The following NSD1 variants were observed in gnomAD, a reference collection of about 807,000 sequenced individuals.
NSD1 encodes nuclear receptor binding SET domain protein 1.
In NSD1, 26 loss-of-function variants were observed where a neutral mutation model predicts 242.7. The ratio of observed to expected loss-of-function variants is 0.11; its 90% CI spans 0.08 to 0.15. NSD1 has a LOEUF of 0.15. NSD1 is among the 10% of genes least tolerant of loss of function. The pLI is 1.00. For missense variants in NSD1, 2,495 were observed against 3,272.8 expected (o/e 0.76, Z 5.80); for synonymous variants, 1,106 against 1,178.1 (o/e 0.94, Z 1.25).
At chr5:177,190,542 G>A (rs1298673152) in intron 2 of NSD1, among the ~76,000 whole-genome samples, 1 of 152,112 alleles carries the variant, frequency 6.6e-6, no homozygotes, top group Non-Finnish European at 1.5e-5. Flanking sequence ...TGCCTACCTC[G>A]GCCTCCCAGA....
intron 11 of NSD1, among the ~76,000 whole-genome samples, chr5:177,249,227 G>T (rs888325939): frequency 2.0e-4 from 30 of 152,100 alleles, no homozygotes; most frequent in African/African-American, 6.5e-4. Context: ...CAATCACAGT[G>T]CTTCTGGAAG....
At chr5:177,163,075 A>G (rs973190776) in intron 2 of NSD1, among the ~76,000 whole-genome samples, 33 of 152,106 alleles carry the variant, frequency 2.2e-4, no homozygotes, top group African/African-American at 8.0e-4. Flanking sequence ...TAAATGTGAA[A>G]TAATTAGTTA....
chr5:177,288,285 A>G (rs1309348121), intron 20 of NSD1, among the ~76,000 whole-genome samples: 2 of 152,160 alleles, frequency 1.3e-5, no homozygotes, highest in African/African-American at 4.8e-5. Flanking sequence ...AGATTTCTCC[A>G]TTTTAAAATG....
At chr5:177,145,281 ATT>A (rs371901937) in intron 2 of NSD1, among the ~76,000 whole-genome samples, 4 of 138,446 alleles carry the variant, frequency 2.9e-5, no homozygotes, top group Non-Finnish European at 3.1e-5. Flanking sequence ...ATGTAACAAG[ATT>A]TTTTTTTTTT....
At chr5:177,253,805 A>T (rs1186333231) in intron 12 of NSD1, among the ~76,000 whole-genome samples, 1 of 151,466 alleles carries the variant, frequency 6.6e-6, no homozygotes, top group Non-Finnish European at 1.5e-5. Flanking sequence ...CTAATTTTTT[A>T]AAATATTTTT....
At chr5:177,154,840 C>T (rs146040146) in intron 2 of NSD1, among the ~76,000 whole-genome samples, 294 of 151,098 alleles carry the variant, frequency 1.9e-3, no homozygotes, top group African/African-American at 6.6e-3. Flanking sequence ...GGATTACAGT[C>T]GCCTGCCACC....
At chr5:177,234,163 C>G (rs1765268428) in intron 5 of NSD1, among the ~76,000 whole-genome samples, 1 of 152,102 alleles carries the variant, frequency 6.6e-6, no homozygotes, top group African/African-American at 2.4e-5. Context: ...AAAAAGTATA[C>G]CTTCCATTTG....
At chr5:177,149,427 C>T (rs1282118808) in intron 2 of NSD1, among the ~76,000 whole-genome samples, 3 of 151,914 alleles carry the variant, frequency 2.0e-5, no homozygotes, top group African/African-American at 7.3e-5. Flanking sequence ...ACCACGTTGG[C>T]CAGGCTGTTC....
chr5:177,211,684 C>T lies in NSD1; in HGVS notation c.3285C>T (p.Gly1095=), dbSNP rs1763354995. 3 of 1,613,964 alleles carry T rather than the reference C, an allele frequency of 1.9e-6. No homozygotes were observed. The highest frequency in any genetic ancestry group is 2.5e-6 in the Non-Finnish European group (3 of 1,180,008). The change falls in exon 5 of 23, where the codon GGC becomes GGT. Residue 1095 remains glycine, a synonymous_variant. Transcript: ENST00000439151. ...PSKEDPLQIM[G]HLTSEDGDHF... ...AAGAGGATCCCCTTCAGATAATGGG[C>T]CACTTAACAAGTGAAGATGGTGACC...
chr5:177,192,391 T>G (rs188604489), intron 3 of NSD1, among the ~76,000 whole-genome samples: 19 of 145,228 alleles, frequency 1.3e-4, no homozygotes, highest in African/African-American at 2.5e-4. Context: ...TTGTTTTTTG[T>G]TTTTTTTTTT....
intron 14 of NSD1, chr5:177,266,382 G>A (rs1014593207): frequency 3.0e-6 from 2 of 673,028 alleles, no homozygotes; most frequent in Admixed American, 1.9e-5. Flanking sequence ...CGGCGAACAT[G>A]CAGAGGATGC....
intron 2 of NSD1, among the ~76,000 whole-genome samples, chr5:177,170,978 C>T (rs928847837): frequency 6.7e-6 from 1 of 150,350 alleles, no homozygotes. Flanking sequence ...ATTTTTGTCA[C>T]TTCAAAATGA....
intron 2 of NSD1, among the ~76,000 whole-genome samples, chr5:177,150,060 C>T (rs2149775478): frequency 6.6e-6 from 1 of 152,126 alleles, no homozygotes; most frequent in East Asian, 1.9e-4. Flanking sequence ...CCTCAGCCTC[C>T]CGAGTAGTTA....
chr5:177,243,755 C>T (rs191571064), intron 8 of NSD1, among the ~76,000 whole-genome samples: 4 of 152,028 alleles, frequency 2.6e-5, no homozygotes, highest in African/African-American at 7.2e-5. Flanking sequence ...TGCAGTGGTG[C>T]GATCTTGGCT....
At chr5:177,229,082 TAA>T (rs563599206) in intron 5 of NSD1, among the ~76,000 whole-genome samples, 2,770 of 148,390 alleles carry the variant, frequency 0.019, 33 homozygotes, top group Non-Finnish European at 0.029. Flanking sequence ...TTTTCTGATT[TAA>T]AAAAAAAAAC....
At chr5:177,218,571 CTT>C (rs746124645) in intron 5 of NSD1, among the ~76,000 whole-genome samples, 8 of 140,496 alleles carry the variant, frequency 5.7e-5, no homozygotes, top group Admixed American at 7.2e-5. Context: ...ATGTATATTT[CTT>C]TTTTTTTTTT....
At chr5:177,180,658 CTTT>C (rs1444212320) in intron 2 of NSD1, among the ~76,000 whole-genome samples, 5 of 151,740 alleles carry the variant, frequency 3.3e-5, no homozygotes, top group African/African-American at 1.2e-4. Flanking sequence ...TCTTGTTTTT[CTTT>C]TTATTATTTA....
chr5:177,262,981 A>G (rs1757111277), intron 14 of NSD1, among the ~76,000 whole-genome samples: 1 of 152,168 alleles, frequency 6.6e-6, no homozygotes, highest in African/African-American at 2.4e-5. Flanking sequence ...AAGGCTGATG[A>G]AGGATTCAAA....
chr5:177,163,176 T>C (rs1421927045), intron 2 of NSD1, among the ~76,000 whole-genome samples: 2 of 151,314 alleles, frequency 1.3e-5, no homozygotes, highest in Non-Finnish European at 2.9e-5. Flanking sequence ...GGAGTCTCGT[T>C]CTGTTGCCAA....
Sources: allele counts gnomAD v4.1 joint callset (sites outside exome capture counted in the v4.1 genomes callset), GRCh38; gene constraint gnomAD v4.1.1; transcripts MANE v1.5; gene names NCBI Gene and HGNC (gene_info 2026-07-23, HGNC 2026-07-21).